Variants in L3MBTL1 observed in about 807,000 individuals in gnomAD.
The protein encoded by L3MBTL1 is L3MBTL histone methyl-lysine binding protein 1, also known as lethal(3)malignant brain tumor-like protein 1.
A neutral mutation model predicts 105.3 loss-of-function variants in L3MBTL1; 75 were observed. That is an observed-to-expected ratio of 0.71 (90% CI 0.59 to 0.86). The LOEUF is 0.86. L3MBTL1 is among the 40% of genes least tolerant of loss of function. The pLI, the probability that L3MBTL1 is intolerant of heterozygous loss-of-function variation, is 0.00. For missense variants in L3MBTL1, 1,069 were observed against 1,126.4 expected (o/e 0.95, Z 0.73); for synonymous variants, 452 against 436.2 (o/e 1.04, Z -0.45).
intron 7 of L3MBTL1, among the ~76,000 whole-genome samples, chr20:43,517,068 A>G (rs1469654839): frequency 6.8e-6 from 1 of 147,854 alleles, no homozygotes; most frequent in African/African-American, 2.5e-5. Flanking sequence ...AAGTTCTGGG[A>G]TTACAGGTGT....
downstream of L3MBTL1, among the ~76,000 whole-genome samples, chr20:43,543,760 T>C (rs139276103): frequency 5.4e-4 from 82 of 152,338 alleles, 1 homozygote; most frequent in East Asian, 0.013. Flanking sequence ...GGTTGCTTCA[T>C]GAGTGAGGAA....
chr20:43,528,034 A>G (rs1351348299), intron 7 of L3MBTL1, among the ~76,000 whole-genome samples: 1 of 152,156 alleles, frequency 6.6e-6, no homozygotes, highest in African/African-American at 2.4e-5. Context: ...CTGGGATTAC[A>G]GGCATGTACC....
intron 5 of L3MBTL1, 44 bp from the exon 6 acceptor site, chr20:43,515,248 G>A (rs1318517081): frequency 6.2e-7 from 1 of 1,612,566 alleles, no homozygotes. Context: ...GGGCTGGGTG[G>A]TGCAGGGCGG....
intron 7 of L3MBTL1, among the ~76,000 whole-genome samples, chr20:43,527,315 T>C (rs2019082101): frequency 6.6e-6 from 1 of 152,266 alleles, no homozygotes; most frequent in Non-Finnish European, 1.5e-5. Flanking sequence ...TTGTGAGTTG[T>C]TACGTCTTTA....
intron 1 of L3MBTL1, among the ~76,000 whole-genome samples, chr20:43,513,219 C>G (rs756091191): frequency 2.0e-5 from 3 of 152,162 alleles, no homozygotes; most frequent in Non-Finnish European, 4.4e-5. Context: ...TTACAAAGTA[C>G]CCTCACACAT....
Position 43,547,969 on chromosome 20 carries a change from C to T in L3MBTL1, c.2125-142C>T. The T allele has an allele frequency of 8.7e-6, 3 of 343,606 alleles. No homozygotes were observed. The South Asian group carries it at 9.3e-5, about 11-fold the overall frequency. 21.3% of individuals were successfully genotyped at this position (343,606 alleles called of 1,614,324 possible). On this transcript the variant is annotated intron_variant, in intron 18 of 18. Transcript: ENST00000422861. ...CTCCCGGTCCTTTCTCTCCCCTTCT[C>T]TCCTCCTTCCCTTTCTCCCGCATAT...
intron 13 of L3MBTL1, 37 bp downstream of exon 13, chr20:43,533,455 C>G (rs780222542): frequency 5.0e-5 from 79 of 1,573,534 alleles, no homozygotes; most frequent in Non-Finnish European, 5.9e-5. Context: ...CTTTCCTAAG[C>G]CTGGCTCTGC....
At position 43,541,058 on chromosome 20, in the gene L3MBTL1, A is replaced by G; in HGVS notation, c.2519A>G (p.His840Arg). The G allele has an allele frequency of 6.2e-7, 1 of 1,614,174 alleles. No homozygotes were observed. The highest frequency in any genetic ancestry group is 8.5e-7 in the Non-Finnish European group (1 of 1,180,038). ...AAAGGCATCCTGGAGACAGGAGTCC[A>G]TTCACTCCTCTGCTCTCTACCCACT... Reference protein sequence around the residue: ...EGKGILETGVHSLLCSLPTHL... With the variant: ...EGKGILETGVRSLLCSLPTHL... Residue 840 changes from histidine to arginine, a missense_variant, in exon 22 of 22, where the codon CAT becomes CGT. Coordinates refer to ENST00000418998, the MANE Select transcript of L3MBTL1 (RefSeq NM_001377303.1).
rs2019591645 is a variant in L3MBTL1 at position 43,536,012 on chromosome 20, A to G, written c.1925+76A>G. ...GCATGCAGGCGACTGGGGTCCACCA[A>G]AACACACTCCAGCTGGGACCAGGGC... On this transcript the variant is annotated intron_variant, in intron 17 of 21. Coordinates refer to ENST00000418998, the MANE Select transcript of L3MBTL1 (RefSeq NM_001377303.1). The G allele has an allele frequency of 2.5e-6, 4 of 1,593,170 alleles. No homozygotes were observed. The Admixed American group carries it at 6.7e-5, about 27-fold the overall frequency.
downstream of L3MBTL1, among the ~76,000 whole-genome samples, chr20:43,544,798 CTA>C (rs1568643059): frequency 1.3e-5 from 2 of 151,642 alleles, no homozygotes; most frequent in Non-Finnish European, 2.9e-5. Flanking sequence ...AACCCAGTCT[CTA>C]TGAAAAATTA....
At chr20:43,533,983 A>C (rs1213875612) in intron 13 of L3MBTL1, 25 bp from the exon 14 acceptor site, 1 of 1,573,328 alleles carries the variant, frequency 6.4e-7, no homozygotes, top group Non-Finnish European at 8.7e-7. Context: ...GGGTGGCTAG[A>C]CATTGCTCTC....
intron 7 of L3MBTL1, among the ~76,000 whole-genome samples, chr20:43,520,211 G>T (rs926313584): frequency 6.6e-6 from 1 of 152,122 alleles, no homozygotes; most frequent in Non-Finnish European, 1.5e-5. Context: ...TGTTTTCAAG[G>T]TTTACATATT....
chr20:43,516,778 T>C (rs2018416973), intron 7 of L3MBTL1, among the ~76,000 whole-genome samples: 1 of 152,134 alleles, frequency 6.6e-6, no homozygotes, highest in Non-Finnish European at 1.5e-5. Context: ...TTTTTTTTCT[T>C]TTTTAAAATT....
At chr20:43,512,914 T>C (rs1187198230) in intron 1 of L3MBTL1, among the ~76,000 whole-genome samples, 1 of 152,212 alleles carries the variant, frequency 6.6e-6, no homozygotes, top group Non-Finnish European at 1.5e-5. Flanking sequence ...CAGCAGATGC[T>C]TGAGTGCCCA....
intron 1 of L3MBTL1, among the ~76,000 whole-genome samples, 199 bp downstream of exon 1, chr20:43,507,943 G>T (rs181801279): frequency 6.6e-6 from 1 of 152,162 alleles, no homozygotes; most frequent in African/African-American, 2.4e-5. Flanking sequence ...CGCGCAGGGG[G>T]CCAGGCGGGT....
At chr20:43,538,865 G>A (rs892219183) in intron 19 of L3MBTL1, 2 of 152,332 alleles carry the variant, frequency 1.3e-5, no homozygotes, top group African/African-American at 4.8e-5. Context: ...GGGAGTACCT[G>A]GGTGTACCAG....
intron 4 of L3MBTL1, 73 bp downstream of exon 4, chr20:43,514,849 C>T (rs2018286204): frequency 4.1e-6 from 6 of 1,465,216 alleles, no homozygotes; most frequent in Non-Finnish European, 5.5e-6. Flanking sequence ...CCAGAAGGTT[C>T]GGGGGCGGGG....
chr20:43,530,078 A>C (rs899953248), intron 9 of L3MBTL1, among the ~76,000 whole-genome samples: 3 of 152,208 alleles, frequency 2.0e-5, no homozygotes, highest in Non-Finnish European at 4.4e-5. Context: ...CCTTGCATCC[A>C]GAACTCAGGG....
chr20:43,513,326 C>A (rs182691332), intron 1 of L3MBTL1, 150 bp from the exon 2 acceptor site: 2 of 730,034 alleles, frequency 2.7e-6, no homozygotes, highest in African/African-American at 1.8e-5. Context: ...CTGAAGACAC[C>A]CTACTCCCCA....
Sources: allele counts gnomAD v4.1 joint callset (sites outside exome capture counted in the v4.1 genomes callset), GRCh38; gene constraint gnomAD v4.1.1; transcripts MANE v1.5; gene names NCBI Gene and HGNC (gene_info 2026-07-23, HGNC 2026-07-21).